ADAMTSL1: variants seen among roughly 807,000 people sequenced by gnomAD.
ADAMTSL1 encodes the protein ADAMTS like 1, also known as ADAMTS-like protein 1.
A neutral mutation model predicts 201.8 loss-of-function variants in ADAMTSL1; 126 were observed. That is an observed-to-expected ratio of 0.62 (90% CI 0.54 to 0.72). The LOEUF is 0.72. Among genes scored for constraint, ADAMTSL1 ranks in the 30% least tolerant of loss-of-function variants. The probability of loss-of-function intolerance (pLI) is 0.00; values close to 1 mark genes in which losing one functional copy is unlikely to be tolerated. For missense variants in ADAMTSL1, 2,679 were observed against 2,277.8 expected, an observed-to-expected ratio of 1.18 and a Z score of -3.59; for synonymous variants, 1,121 against 903.4, an observed-to-expected ratio of 1.24 and a Z score of -4.32.
intron 26 of ADAMTSL1, among the ~76,000 whole-genome samples, chr9:18,903,945 A>G (rs78212667): frequency 0.03 from 4,328 of 144,540 alleles, 122 homozygotes; most frequent in South Asian, 0.14. Flanking sequence ...TCACTGAGAT[A>G]TACTTCATGT....
chr9:18,321,883 G>A (rs1834637574), intron 2 of ADAMTSL1, among the ~76,000 whole-genome samples: 3 of 152,102 alleles, frequency 2.0e-5, no homozygotes. Context: ...TGCATCATAT[G>A]CTATATGATA....
At position 18,474,183 on chromosome 9, in the gene ADAMTSL1, A is replaced by C. The variant is rs1178955927; in HGVS notation, c.-50A>C. On this transcript the variant is annotated 5_prime_UTR_variant, in exon 1 of 29. Transcript: ENST00000380548. Reference sequence around the variant, plus strand: ...TGGATGTGACAGCAGGCAGAGGAGCACTTAGCAGCTTATTCAGTGTCCGAT... The same window carrying C: ...TGGATGTGACAGCAGGCAGAGGAGCCCTTAGCAGCTTATTCAGTGTCCGAT... 2 of 1,578,628 alleles carry C rather than the reference A, an allele frequency of 1.3e-6. No individual in the cohort carries two copies. Among genetic ancestry groups the C allele is most frequent in the African/African-American group, 1.3e-5 (1 of 74,212 alleles).
chr9:17,975,390 T>A (rs1818404060), intron 1 of ADAMTSL1, among the ~76,000 whole-genome samples: 3 of 152,056 alleles, frequency 2.0e-5, no homozygotes, highest in Non-Finnish European at 4.4e-5. Context: ...AGATTTAATG[T>A]CTGGTGAGAG....
intron 2 of ADAMTSL1, among the ~76,000 whole-genome samples, chr9:18,353,031 T>C (rs1475657755): frequency 1.3e-5 from 2 of 152,212 alleles, no homozygotes; most frequent in East Asian, 3.9e-4. Flanking sequence ...TAGCATGATA[T>C]GCCCACTGAG....
intron 2 of ADAMTSL1, among the ~76,000 whole-genome samples, chr9:18,284,154 G>T: frequency 6.6e-6 from 1 of 151,326 alleles, no homozygotes; most frequent in Non-Finnish European, 1.5e-5. Context: ...GCTCGAACCT[G>T]GGAGGCAGAG....
At chr9:18,371,650 C>T (rs1451066330) in intron 2 of ADAMTSL1, among the ~76,000 whole-genome samples, 2 of 152,164 alleles carry the variant, frequency 1.3e-5, no homozygotes, top group Non-Finnish European at 2.9e-5. Context: ...GCATGAAATA[C>T]ATGCCCCTAA....
intron 9 of ADAMTSL1, among the ~76,000 whole-genome samples, chr9:18,674,653 A>C (rs1321675233): frequency 6.6e-6 from 1 of 152,088 alleles, no homozygotes; most frequent in Non-Finnish European, 1.5e-5. Flanking sequence ...TAAAATATAA[A>C]GATCAACATA....
intron 4 of ADAMTSL1, among the ~76,000 whole-genome samples, chr9:18,598,251 G>A (rs1824396499): frequency 1.3e-5 from 2 of 152,014 alleles, no homozygotes; most frequent in South Asian, 4.1e-4. Context: ...TATTTTATAT[G>A]AAACATAAAA....
intron 10 of ADAMTSL1, 124 bp downstream of exon 10, chr9:18,676,031 A>G: frequency 1.1e-6 from 1 of 928,108 alleles, no homozygotes; most frequent in Non-Finnish European, 1.7e-6. Flanking sequence ...GGTAGATGGT[A>G]TATTTTGCAA....
At chr9:18,315,581 C>T (rs1274934682) in intron 2 of ADAMTSL1, among the ~76,000 whole-genome samples, 2 of 152,154 alleles carry the variant, frequency 1.3e-5, no homozygotes, top group Non-Finnish European at 2.9e-5. Flanking sequence ...CAGCTGCTGG[C>T]CCAGGTGCTA....
At chr9:18,178,012 G>A (rs1001083026) in intron 2 of ADAMTSL1, among the ~76,000 whole-genome samples, 5 of 152,136 alleles carry the variant, frequency 3.3e-5, no homozygotes, top group African/African-American at 4.8e-5. Context: ...GATAGTGGTC[G>A]GGAAGAGGAG....
chr9:18,475,359 T>A (rs933551992), intron 1 of ADAMTSL1, among the ~76,000 whole-genome samples: 2 of 152,182 alleles, frequency 1.3e-5, no homozygotes, highest in African/African-American at 4.8e-5. Context: ...ATCTGCGCTA[T>A]AATTTTGAAG....
intron 7 of ADAMTSL1, chr9:18,651,480 C>G (rs1218546335): frequency 6.6e-6 from 1 of 152,210 alleles, no homozygotes; most frequent in Non-Finnish European, 1.5e-5. Context: ...CGATGAATAT[C>G]TAAGCTACCA....
chr9:17,929,870 C>T (rs74732257), intron 1 of ADAMTSL1, among the ~76,000 whole-genome samples: 3 of 152,034 alleles, frequency 2.0e-5, no homozygotes, highest in Non-Finnish European at 4.4e-5. Context: ...TTTTGTTATA[C>T]GTCTGCCATC....
At chr9:18,412,804 G>C (rs1372024463) in intron 2 of ADAMTSL1, among the ~76,000 whole-genome samples, 1 of 152,134 alleles carries the variant, frequency 6.6e-6, no homozygotes, top group East Asian at 1.9e-4. Context: ...GGAACAACAA[G>C]ATGTTCCAGG....
At chr9:18,459,994 A>G (rs1820748528) in intron 2 of ADAMTSL1, among the ~76,000 whole-genome samples, 1 of 152,186 alleles carries the variant, frequency 6.6e-6, no homozygotes, top group South Asian at 2.1e-4. Flanking sequence ...TTTGCCGAGA[A>G]TATTATCTGA....
chr9:18,715,682 A>G lies in ADAMTSL1; in HGVS notation c.1877-5854A>G, dbSNP rs1216534085. On this transcript the variant is annotated intron_variant, in intron 14 of 28. Coordinates refer to ENST00000380548, the MANE Select transcript of ADAMTSL1 (RefSeq NM_001040272.6). ...CTGCCCAAGGTAATTTATAGTTTCA[A>G]TGCCATCCCCATCAAGCTACCAATG... Among the ~76,000 whole-genome samples the G allele has an allele frequency of 8.5e-5, 13 of 152,222 alleles. No homozygotes were observed. The East Asian group carries it at 1.5e-3, about 18-fold the overall frequency.
chr9:18,707,037 C>T lies in ADAMTSL1; in HGVS notation c.1865C>T (p.Ser622Phe), dbSNP rs372957224. ...GAGGGGTTCACCAAGTGCTCCGAGT[C>T]CTGTGGAGGAGGTAAGAAAGGGGGC... ...EYEGFTKCSE[S>F]CGGGVQEAVV... The change falls in exon 14 of 29, where the codon TCC (serine) becomes TTC (phenylalanine). Residue 622 changes from serine to phenylalanine, a missense_variant. Transcript: ENST00000380548. The T allele has an allele frequency of 1.2e-6, 2 of 1,612,512 alleles. No homozygotes were observed. Among genetic ancestry groups the T allele is most frequent in the Non-Finnish European group, 1.7e-6 (2 of 1,179,024 alleles).
At chr9:18,147,690 C>T (rs148264101) in intron 1 of ADAMTSL1, among the ~76,000 whole-genome samples, 1 of 152,004 alleles carries the variant, frequency 6.6e-6, no homozygotes, top group African/African-American at 2.4e-5. Flanking sequence ...TTTGGCTGAC[C>T]TATTCTTTTG....
Sources: allele counts gnomAD v4.1 joint callset (sites outside exome capture counted in the v4.1 genomes callset), GRCh38; gene constraint gnomAD v4.1.1; transcripts MANE v1.5; gene names NCBI Gene and HGNC (gene_info 2026-07-23, HGNC 2026-07-21).